The following HPS5 variants were observed in gnomAD, a reference collection of about 807,000 sequenced individuals.
HPS5 encodes the protein HPS5 biogenesis of lysosomal organelles complex 2 subunit 2.
A neutral mutation model predicts 128.0 loss-of-function variants in HPS5; 83 were observed. That is an observed-to-expected ratio of 0.65 (90% CI 0.54 to 0.78). HPS5 has a LOEUF of 0.78. Ranked by LOEUF, HPS5 falls within the 30% of genes least tolerant of loss-of-function variation. The pLI, the probability that HPS5 is intolerant of heterozygous loss-of-function variation, is 0.00. For synonymous variants in HPS5, 475 were observed against 470.2 expected (o/e 1.01, Z -0.13); for missense variants, 1,281 against 1,326.2 (o/e 0.97, Z 0.53).
chr11:18,317,088 G>A (rs185108774), intron 2 of HPS5, among the ~76,000 whole-genome samples: 506 of 151,980 alleles, frequency 3.3e-3, no homozygotes, highest in Middle Eastern at 0.01. Flanking sequence ...CAGCTACTTG[G>A]GAGGCTGAGG....
intron 1 of HPS5, among the ~76,000 whole-genome samples, chr11:18,320,379 T>C (rs926413779): frequency 6.6e-6 from 1 of 152,156 alleles, no homozygotes; most frequent in Non-Finnish European, 1.5e-5. Flanking sequence ...AGAAATTAGT[T>C]TTGCCCTAGA....
intron 18 of HPS5, chr11:18,286,960 A>C: frequency 2.8e-5 from 17 of 602,396 alleles, no homozygotes; most frequent in East Asian, 5.6e-5. Flanking sequence ...GACAAATAAA[A>C]ACCAGTGTGG....
intron 5 of HPS5, among the ~76,000 whole-genome samples, chr11:18,310,260 G>T (rs1382724994): frequency 3.9e-5 from 6 of 152,116 alleles, no homozygotes; most frequent in African/African-American, 1.2e-4. Context: ...GCAGAGCAAA[G>T]CCAGAAGGTG....
rs368905659 is a variant in HPS5 at position 18,283,080 on chromosome 11, C to A, written c.3058+715G>T. ...GCAGTGGTGCGATCTCAGCTCACTGCAACCTCCACCTCCCAGGTTCAAGCA... is the reference window on the plus strand; with the variant it reads ...GCAGTGGTGCGATCTCAGCTCACTGAAACCTCCACCTCCCAGGTTCAAGCA... On this transcript the variant is annotated intron_variant, in intron 21 of 22. Transcript: ENST00000349215. Among the ~76,000 whole-genome samples, 3 of 152,188 alleles carry A rather than the reference C, an allele frequency of 2.0e-5. No individual in the cohort carries two copies. In the East Asian group the frequency reaches 5.8e-4, roughly 29 times the overall value.
At chr11:18,281,884 T>A in intron 22 of HPS5, 66 bp downstream of exon 22, 3 of 1,575,700 alleles carry the variant, frequency 1.9e-6, no homozygotes, top group Non-Finnish European at 1.7e-6. Context: ...CACATCTACA[T>A]CTGAAAGTCT....
At chr11:18,295,853 T>A in intron 13 of HPS5, 146 bp downstream of exon 13, 3 of 842,876 alleles carry the variant, frequency 3.6e-6, no homozygotes, top group Non-Finnish European at 5.7e-6. Flanking sequence ...CCAAGGTAAA[T>A]GAGAAGTTAA....
intron 7 of HPS5, among the ~76,000 whole-genome samples, 176 bp downstream of exon 7, chr11:18,305,956 TCTC>T (rs1355007166): frequency 2.6e-5 from 4 of 152,096 alleles, no homozygotes; most frequent in Non-Finnish European, 4.4e-5. Flanking sequence ...ATGGTCTCGA[TCTC>T]CTGACCTCAA....
rs764047205 is a variant in HPS5 at position 18,285,364 on chromosome 11, T to G, written c.2933A>C (p.Asp978Ala). Reference sequence around the variant, plus strand: ...CACTTACCCACAAGACCTGCAGATGTCTGTCATTTTCTCTTTGGTTATAAA... The same window carrying G: ...CACTTACCCACAAGACCTGCAGATGGCTGTCATTTTCTCTTTGGTTATAAA... ...ADFITKEKMT[D>A]ICRSCGFWPG... The change falls in exon 20 of 23, where the codon GAC becomes GCC. Residue 978 changes from aspartate to alanine, a missense_variant. Asp to Ala is a moderately radical substitution (Grantham distance 126). Transcript: ENST00000349215. 6.2e-7 allele frequency: 1 copy of G among 1,610,292 alleles called. No individual in the cohort carries two copies. Among genetic ancestry groups the G allele is most frequent in the South Asian group, 1.1e-5 (1 of 91,014 alleles).
chr11:18,290,613 T>C (rs1212640585), intron 16 of HPS5, among the ~76,000 whole-genome samples: 1 of 152,158 alleles, frequency 6.6e-6, no homozygotes, highest in Non-Finnish European at 1.5e-5. Context: ...TGAATGTCAT[T>C]ATGAGAGAAA....
At chr11:18,315,153 T>C (rs932909276) in intron 2 of HPS5, among the ~76,000 whole-genome samples, 5 of 152,220 alleles carry the variant, frequency 3.3e-5, no homozygotes, top group African/African-American at 9.6e-5. Context: ...AAAGGGGTTA[T>C]TGGGGCTCAG....
chr11:18,294,371 T>C (rs980724190), intron 14 of HPS5, among the ~76,000 whole-genome samples: 2 of 152,036 alleles, frequency 1.3e-5, no homozygotes, highest in Non-Finnish European at 2.9e-5. Flanking sequence ...TGATGAGTCC[T>C]TGACTCATCA....
chr11:18,289,197 A>AT (rs1272935426), intron 16 of HPS5, among the ~76,000 whole-genome samples: 1 of 152,100 alleles, frequency 6.6e-6, no homozygotes, highest in African/African-American at 2.4e-5. Context: ...TAAAAAAGTC[A>AT]TTTTTTCCCC....
intron 16 of HPS5, among the ~76,000 whole-genome samples, chr11:18,289,156 G>A (rs367717171): frequency 3.3e-4 from 50 of 152,254 alleles, no homozygotes; most frequent in Admixed American, 9.8e-4. Context: ...GGTTCTAAGA[G>A]CCAACATTCA....
rs1239119201 is a variant in HPS5 at position 18,278,743 on chromosome 11, T to TA, written c.*1138dup. On this transcript the variant is annotated 3_prime_UTR_variant, in exon 23 of 23. Transcript: ENST00000349215. ...AAATGCTCATAATAAACCTCCTGTCTACATTGTGTTCCAATGAAAACTTTA... is the reference window on the plus strand; with the variant it reads ...AAATGCTCATAATAAACCTCCTGTCTAACATTGTGTTCCAATGAAAACTTTA... 6.6e-6 allele frequency: 1 copy of TA among 152,320 alleles called. No individual in the cohort carries two copies. The highest frequency in any genetic ancestry group is 2.4e-5 in the African/African-American group (1 of 41,466). 9.4% of individuals were successfully genotyped at this position (152,320 alleles called of 1,614,324 possible). A position where few individuals can be genotyped will look rare whatever the true frequency, so the allele number is the denominator to read the frequency against.
At chr11:18,311,013 T>C in intron 4 of HPS5, 80 bp from the exon 5 acceptor site, 1 of 961,854 alleles carries the variant, frequency 1.0e-6, no homozygotes, top group Admixed American at 1.7e-5. Flanking sequence ...ATCAACTATA[T>C]CAAATACATA....
At chr11:18,309,195 T>A in intron 5 of HPS5, 116 bp from the exon 6 acceptor site, 2 of 1,073,888 alleles carry the variant, frequency 1.9e-6, no homozygotes, top group Non-Finnish European at 2.7e-6. Flanking sequence ...AATTTTCAAA[T>A]AAGCCAAAAC....
chr11:18,298,742 G>C, intron 10 of HPS5, 50 bp downstream of exon 10: 1 of 1,570,898 alleles, frequency 6.4e-7, no homozygotes, highest in African/African-American at 1.3e-5. Flanking sequence ...TGCAAGGTAG[G>C]AGAGTTTCAC....
intron 8 of HPS5, among the ~76,000 whole-genome samples, chr11:18,301,706 G>C (rs1026270635): frequency 3.9e-5 from 6 of 152,090 alleles, no homozygotes; most frequent in Non-Finnish European, 7.4e-5. Context: ...CCTGCTCAAC[G>C]ATGTGCCAGG....
chr11:18,313,725 C>A (rs1208944092), intron 2 of HPS5, among the ~76,000 whole-genome samples: 2 of 151,978 alleles, frequency 1.3e-5, no homozygotes, highest in African/African-American at 2.4e-5. Context: ...ACCATCCTGG[C>A]CAATAAAGTG....
Sources: allele counts gnomAD v4.1 joint callset (sites outside exome capture counted in the v4.1 genomes callset), GRCh38; gene constraint gnomAD v4.1.1; transcripts MANE v1.5; gene names NCBI Gene and HGNC (gene_info 2026-07-23, HGNC 2026-07-21).